MARCHF1: variants seen among roughly 807,000 people sequenced by gnomAD.
MARCHF1 encodes membrane associated ring-CH-type finger 1.
MARCHF1 carries 40 observed loss-of-function variants against 54.2 expected under a neutral mutation model. The observed-to-expected ratio is 0.74, with a 90% CI of 0.57 to 0.96. The LOEUF is 0.96. Among genes scored for constraint, MARCHF1 ranks in the 40% least tolerant of loss-of-function variants. The pLI, the probability that MARCHF1 is intolerant of heterozygous loss-of-function variation, is 0.00. For synonymous variants in MARCHF1, 236 were observed against 236.3 expected, an observed-to-expected ratio of 1.00 and a Z score of 0.01; for missense variants, 586 against 656.5, an observed-to-expected ratio of 0.89 and a Z score of 1.17.
chr4:163,990,283 A>G (rs1472431826), intron 2 of MARCHF1, among the ~76,000 whole-genome samples: 3 of 152,166 alleles, frequency 2.0e-5, no homozygotes, highest in African/African-American at 7.2e-5. Context: ...TTTATAATGC[A>G]TAGATCCCTA....
chr4:163,810,223 A>G (rs1282645881), intron 4 of MARCHF1, among the ~76,000 whole-genome samples: 1 of 152,212 alleles, frequency 6.6e-6, no homozygotes, highest in Non-Finnish European at 1.5e-5. Context: ...GTATAAATCC[A>G]TGGATGCCTA....
chr4:163,590,171 C>T (rs1354301844), intron 7 of MARCHF1, among the ~76,000 whole-genome samples: 1 of 150,780 alleles, frequency 6.6e-6, no homozygotes, highest in Non-Finnish European at 1.5e-5. Flanking sequence ...CTTTAGTGCT[C>T]CCTGCCCCCA....
chr4:164,351,974 C>G (rs1377183695), intron 1 of MARCHF1, among the ~76,000 whole-genome samples: 3 of 144,738 alleles, frequency 2.1e-5, no homozygotes, highest in Admixed American at 2.1e-4. Context: ...GCAGAAGCCT[C>G]AGGAGCTGAT....
rs869081083 is a variant in MARCHF1 at position 163,986,249 on chromosome 4, C to CTTTTTTTTTTTTTT, written c.-39+2238_-39+2251dup. 5.4e-3 allele frequency among the ~76,000 whole-genome samples: 157 copies of CTTTTTTTTTTTTTT among 28,836 alleles called. 31 individuals carry two copies. Among genetic ancestry groups the CTTTTTTTTTTTTTT allele is most frequent in the Admixed American group, 9.0e-3 (16 of 1,772 alleles). 18.9% of individuals were successfully genotyped at this position (28,836 alleles called of 152,430 possible). ...TTCCTTTTCTCCTAATTAACCTCTT[C>CTTTTTTTTTTTTTT]TTTTTTTTTTTTTTTTTTTTTTTTT... On this transcript the variant is annotated intron_variant, in intron 3 of 9. Coordinates refer to ENST00000514618, the MANE Select transcript of MARCHF1 (RefSeq NM_001394959.1).
intron 2 of MARCHF1, among the ~76,000 whole-genome samples, chr4:164,096,935 A>G (rs1755427650): frequency 6.6e-6 from 1 of 152,164 alleles, no homozygotes; most frequent in Admixed American, 6.5e-5. Flanking sequence ...AAATCACTGA[A>G]GCCTTTACAG....
intron 1 of MARCHF1, among the ~76,000 whole-genome samples, chr4:164,350,196 A>G (rs2110878518): frequency 6.6e-6 from 1 of 152,300 alleles, no homozygotes; most frequent in African/African-American, 2.4e-5. Context: ...ATGTATATGT[A>G]TGTGTATGCT....
At chr4:163,904,328 G>A (rs1579380766) in intron 3 of MARCHF1, among the ~76,000 whole-genome samples, 2 of 152,226 alleles carry the variant, frequency 1.3e-5, no homozygotes, top group South Asian at 2.1e-4. Flanking sequence ...AAATTAGAGC[G>A]CTCCCTGTGT....
Position 164,214,765 on chromosome 4 carries a change from G to T in MARCHF1, c.-322-103103C>A, listed in dbSNP as rs145575165. ...TATAACTCAATAATGCCTATAATGT[G>T]GGGCACATATTTTATGGTTTACCAC... On this transcript the variant is annotated intron_variant, in intron 1 of 9. Coordinates refer to ENST00000514618, the MANE Select transcript of MARCHF1 (RefSeq NM_001394959.1). Among the ~76,000 whole-genome samples, 1,207 of 152,232 alleles carry T rather than the reference G, an allele frequency of 7.9e-3. 13 individuals carry two copies. The highest frequency in any genetic ancestry group is 0.021 in the Middle Eastern group (6 of 292).
intron 4 of MARCHF1, among the ~76,000 whole-genome samples, chr4:163,730,946 T>C (rs530278497): frequency 3.8e-4 from 58 of 152,308 alleles, no homozygotes; most frequent in Middle Eastern, 6.8e-3. Flanking sequence ...TATTCTCCTT[T>C]TTCAGGTTTC....
intron 4 of MARCHF1, among the ~76,000 whole-genome samples, chr4:163,785,922 G>A (rs1326103193): frequency 6.6e-6 from 1 of 151,970 alleles, no homozygotes; most frequent in Non-Finnish European, 1.5e-5. Flanking sequence ...TCAAAAAGAG[G>A]AATGTAGGAG....
At chr4:163,783,739 GCT>G (rs1747535035) in intron 4 of MARCHF1, among the ~76,000 whole-genome samples, 1 of 152,176 alleles carries the variant, frequency 6.6e-6, no homozygotes, top group Admixed American at 6.5e-5. Flanking sequence ...AAACCTCACA[GCT>G]CTGTATTTTT....
chr4:164,073,779 G>GT lies in MARCHF1; in HGVS notation c.-248+37808dup, dbSNP rs961883433. On this transcript the variant is annotated intron_variant, in intron 2 of 9. Coordinates refer to ENST00000514618, the MANE Select transcript of MARCHF1 (RefSeq NM_001394959.1). ...TATGATGAATACCCTATTTTAGAAAGTTTTTTTTTTGTTGCTGTTATTTTG... is the reference window on the plus strand; with the variant it reads ...TATGATGAATACCCTATTTTAGAAAGTTTTTTTTTTTGTTGCTGTTATTTTG... 1.1e-3 allele frequency among the ~76,000 whole-genome samples: 170 copies of GT among 148,620 alleles called. No homozygotes were observed. The South Asian group carries it at 0.015, about 13-fold the overall frequency.
chr4:164,288,886 CTCAA>C (rs1734216661), intron 1 of MARCHF1, among the ~76,000 whole-genome samples: 2 of 152,038 alleles, frequency 1.3e-5, no homozygotes, highest in African/African-American at 4.8e-5. Context: ...CGTTTAGTTT[CTCAA>C]TCAATTAAAA....
At chr4:164,090,410 T>C (rs1295315351) in intron 2 of MARCHF1, among the ~76,000 whole-genome samples, 2 of 152,104 alleles carry the variant, frequency 1.3e-5, no homozygotes, top group Non-Finnish European at 1.5e-5. Flanking sequence ...AATATTTTTA[T>C]TGTATTTGTG....
chr4:163,596,034 T>C (rs1175287630), intron 7 of MARCHF1, among the ~76,000 whole-genome samples: 1 of 151,746 alleles, frequency 6.6e-6, no homozygotes, highest in Non-Finnish European at 1.5e-5. Context: ...CCTATCACAA[T>C]AGTCAAAGTC....
chr4:164,362,604 T>A (rs1344671441), intron 1 of MARCHF1, among the ~76,000 whole-genome samples: 1 of 152,154 alleles, frequency 6.6e-6, no homozygotes, highest in Non-Finnish European at 1.5e-5. Context: ...ACCAAACTAA[T>A]AACTGAGGTT....
At chr4:164,196,727 T>A (rs1377606539) in intron 1 of MARCHF1, among the ~76,000 whole-genome samples, 1 of 152,196 alleles carries the variant, frequency 6.6e-6, no homozygotes, top group East Asian at 1.9e-4. Context: ...GTAATCATTC[T>A]ACAAAGCTAG....
rs547208449 is a variant in MARCHF1 at position 163,977,992 on chromosome 4, A to G, written c.-39+10509T>C. ...AGTTACCAAAATAACAAATATTTAAAATATTCAAAAGCCCATGAAATGTTG... is the reference window on the plus strand; with the variant it reads ...AGTTACCAAAATAACAAATATTTAAGATATTCAAAAGCCCATGAAATGTTG... On this transcript the variant is annotated intron_variant, in intron 3 of 9. Coordinates refer to ENST00000514618, the MANE Select transcript of MARCHF1 (RefSeq NM_001394959.1). 4.0e-3 allele frequency among the ~76,000 whole-genome samples: 614 copies of G among 152,332 alleles called. 7 individuals are homozygous for G. Among genetic ancestry groups the G allele is most frequent in the African/African-American group, 0.014 (575 of 41,582 alleles).
chr4:164,051,625 G>C (rs1754366647), intron 2 of MARCHF1, among the ~76,000 whole-genome samples: 1 of 152,126 alleles, frequency 6.6e-6, no homozygotes, highest in Admixed American at 6.6e-5. Context: ...CTTACTATAA[G>C]AGGTGTCTAC....
Sources: gnomAD v4.1 joint callset for allele counts (sites outside exome capture counted in the v4.1 genomes callset) on GRCh38, gnomAD v4.1.1 for gene constraint, MANE v1.5 for transcripts, NCBI Gene and HGNC (gene_info 2026-07-23, HGNC 2026-07-21) for gene names.